Variants in CEP128 observed in about 807,000 individuals in gnomAD.
CEP128 encodes the protein centrosomal protein 128kDa.
Under a neutral mutation model 156.7 loss-of-function variants are expected in CEP128, and 132 were observed. The observed-to-expected ratio is 0.84, with a 90% CI of 0.73 to 0.97. CEP128 has a LOEUF of 0.97. Ranked by LOEUF, CEP128 falls within the 50% of genes least tolerant of loss-of-function variation. The probability of loss-of-function intolerance (pLI) is 0.00; values close to 1 mark genes in which losing one functional copy is unlikely to be tolerated. For synonymous variants in CEP128, 469 were observed against 448.9 expected, an observed-to-expected ratio of 1.04 and a Z score of -0.57; for missense variants, 1,252 against 1,281.9, an observed-to-expected ratio of 0.98 and a Z score of 0.36.
At chr14:80,918,607 A>G (rs1594845846) in intron 2 of CEP128, among the ~76,000 whole-genome samples, 1 of 152,218 alleles carries the variant, frequency 6.6e-6, no homozygotes, top group Non-Finnish European at 1.5e-5. Context: ...TGTCCTCAAC[A>G]CTATGTTCTT....
At chr14:80,517,794 C>T (rs1292538053) in intron 23 of CEP128, among the ~76,000 whole-genome samples, 14 of 151,992 alleles carry the variant, frequency 9.2e-5, no homozygotes, top group Non-Finnish European at 1.8e-4. Flanking sequence ...GGAAGAGAAC[C>T]GTGGAACCTA....
chr14:80,742,841 T>A, intron 19 of CEP128: 2 of 489,172 alleles, frequency 4.1e-6, no homozygotes, highest in Admixed American at 3.7e-5. Context: ...ATCAATTAAT[T>A]CCTGCACACA....
At chr14:80,872,588 G>A (rs1276224930) in intron 8 of CEP128, among the ~76,000 whole-genome samples, 1 of 152,056 alleles carries the variant, frequency 6.6e-6, no homozygotes, top group Non-Finnish European at 1.5e-5. Context: ...AAGAAATAGG[G>A]GCAGCATTTA....
At position 80,916,301 on chromosome 14, in the gene CEP128, G is replaced by A. The variant is rs148806107; in HGVS notation, c.147+100C>T. 1.1e-3 allele frequency: 1,063 copies of A among 946,002 alleles called. 7 individuals carry two copies. In the African/African-American group the frequency reaches 0.014, roughly 12 times the overall value. The allele number at this position is 946,002 out of a possible 1,614,324, so 58.6% of individuals were successfully genotyped here. A position where few individuals can be genotyped will look rare whatever the true frequency, so the allele number is the denominator to read the frequency against. On this transcript the variant is annotated intron_variant, in intron 3 of 24. Transcript: ENST00000555265. ...GTTGTTTTAAGACATTAGCTTTGCA[G>A]TAATTTGTTACAGCAGCAAGAAAAC... is the stretch of plus-strand genomic sequence containing the variant.
chr14:80,752,773 T>G (rs1899460479), intron 18 of CEP128, among the ~76,000 whole-genome samples: 2 of 152,234 alleles, frequency 1.3e-5, no homozygotes, highest in Non-Finnish European at 2.9e-5. Flanking sequence ...TAATTAGTTT[T>G]ATGTCCTTAG....
chr14:80,923,990 G>A (rs1332357897), intron 2 of CEP128, among the ~76,000 whole-genome samples: 1 of 152,108 alleles, frequency 6.6e-6, no homozygotes, highest in African/African-American at 2.4e-5. Flanking sequence ...CATATGAGAA[G>A]GTCCAAGCTT....
chr14:80,826,622 TTTC>T (rs1420177108), intron 13 of CEP128, among the ~76,000 whole-genome samples: 3 of 152,158 alleles, frequency 2.0e-5, no homozygotes, highest in African/African-American at 7.2e-5. Flanking sequence ...TTGATTATCC[TTTC>T]TTTTTTATAC....
intron 19 of CEP128, among the ~76,000 whole-genome samples, chr14:80,613,950 T>G: frequency 6.6e-6 from 1 of 152,332 alleles, no homozygotes; most frequent in East Asian, 1.9e-4. Context: ...ATGATTTATG[T>G]AAAAAGATAA....
In CEP128 at chr14:80,709,262, C is replaced by G. The variant is rs570856922; in HGVS notation, c.2806+33813G>C. ...CAAGTGATTCTCCTGTCTCAGCCTC[C>G]CGAGTAGCTGGGATTACAGGTGCCT... On this transcript the variant is annotated intron_variant, in intron 19 of 24. Transcript: ENST00000555265. 4.6e-5 allele frequency among the ~76,000 whole-genome samples: 7 copies of G among 151,892 alleles called. No homozygotes were observed. The South Asian group carries it at 1.0e-3, about 23-fold the overall frequency.
At chr14:80,595,157 T>C (rs1176996266) in intron 19 of CEP128, among the ~76,000 whole-genome samples, 1 of 152,034 alleles carries the variant, frequency 6.6e-6, no homozygotes, top group East Asian at 1.9e-4. Flanking sequence ...AAAGGATGAG[T>C]TCATGTCTTT....
chr14:80,911,667 T>C (rs939399846), intron 4 of CEP128, among the ~76,000 whole-genome samples: 2 of 152,254 alleles, frequency 1.3e-5, no homozygotes, highest in Admixed American at 1.3e-4. Context: ...CTTTCTTACA[T>C]GTTTTATTTT....
intron 5 of CEP128, 152 bp downstream of exon 5, chr14:80,905,803 A>G: frequency 1.5e-6 from 1 of 680,564 alleles, no homozygotes. Context: ...ATATATTTCA[A>G]AGCATGTACT....
At chr14:80,588,343 T>G (rs1385660523) in intron 19 of CEP128, among the ~76,000 whole-genome samples, 2 of 152,098 alleles carry the variant, frequency 1.3e-5, no homozygotes, top group Non-Finnish European at 2.9e-5. Flanking sequence ...TGTATTTATA[T>G]CTGGTACATC....
At chr14:80,723,766 T>C (rs1177483303) in intron 19 of CEP128, among the ~76,000 whole-genome samples, 1 of 152,212 alleles carries the variant, frequency 6.6e-6, no homozygotes, top group Non-Finnish European at 1.5e-5. Context: ...CAAAGCCTAA[T>C]TTTAAGGTCT....
intron 19 of CEP128, among the ~76,000 whole-genome samples, chr14:80,647,867 A>G (rs1411758592): frequency 6.6e-6 from 1 of 152,120 alleles, no homozygotes; most frequent in Non-Finnish European, 1.5e-5. Flanking sequence ...AACACAATGC[A>G]GTTCTACTGG....
At chr14:80,886,420 C>T (rs1888802604) in intron 8 of CEP128, among the ~76,000 whole-genome samples, 1 of 152,212 alleles carries the variant, frequency 6.6e-6, no homozygotes, top group Non-Finnish European at 1.5e-5. Flanking sequence ...CATCAGACTA[C>T]AGCAGATCTC....
intron 23 of CEP128, among the ~76,000 whole-genome samples, chr14:80,510,137 GT>G (rs1308618239): frequency 6.6e-6 from 1 of 152,054 alleles, no homozygotes; most frequent in African/African-American, 2.4e-5. Flanking sequence ...TTTTTGGATA[GT>G]TTTTTCTATT....
intron 19 of CEP128, among the ~76,000 whole-genome samples, chr14:80,642,104 A>G (rs1894438372): frequency 1.3e-5 from 2 of 151,232 alleles, no homozygotes; most frequent in African/African-American, 2.4e-5. Flanking sequence ...AAAAAAAAGA[A>G]GAGAGAGACA....
At chr14:80,881,058 T>G (rs1326272082) in intron 8 of CEP128, among the ~76,000 whole-genome samples, 1 of 103,298 alleles carries the variant, frequency 9.7e-6, no homozygotes, top group Non-Finnish European at 2.1e-5. Flanking sequence ...CCAAAATGAG[T>G]AGAAAAAATA....
Sources: gnomAD v4.1 joint callset for allele counts (sites outside exome capture counted in the v4.1 genomes callset) on GRCh38, gnomAD v4.1.1 for gene constraint, MANE v1.5 for transcripts, NCBI Gene and HGNC (gene_info 2026-07-23, HGNC 2026-07-21) for gene names.